AP3S1: variants seen among roughly 807,000 people sequenced by gnomAD.
AP3S1 encodes AP-3 complex subunit sigma-1.
A neutral mutation model predicts 21.3 loss-of-function variants in AP3S1; 12 were observed. The ratio of observed to expected loss-of-function variants is 0.56; its 90% CI spans 0.36 to 0.91. The LOEUF is 0.91. AP3S1 is among the 40% of genes least tolerant of loss of function. The probability of loss-of-function intolerance (pLI) is 0.01; values close to 1 mark genes in which losing one functional copy is unlikely to be tolerated. For missense variants in AP3S1, 116 were observed against 225.0 expected (o/e 0.52, Z 3.10); for synonymous variants, 48 against 78.4 (o/e 0.61, Z 2.05).
At chr5:115,867,418 TACAA>T (rs1337391402) in intron 2 of AP3S1, among the ~76,000 whole-genome samples, 3 of 152,188 alleles carry the variant, frequency 2.0e-5, no homozygotes, top group African/African-American at 7.2e-5. Flanking sequence ...TGCCAAATAT[TACAA>T]ACAAATACTT....
At chr5:115,852,432 T>C (rs1163349016) in intron 1 of AP3S1, among the ~76,000 whole-genome samples, 1 of 152,026 alleles carries the variant, frequency 6.6e-6, no homozygotes. Context: ...TCTGAGAAAT[T>C]AGCTAACCTT....
chr5:115,913,234 A>G, intron 5 of AP3S1, 128 bp from the exon 6 acceptor site: 1 of 911,688 alleles, frequency 1.1e-6, no homozygotes, highest in Non-Finnish European at 1.5e-6. Flanking sequence ...TACCAATTCA[A>G]ACTACCATCT....
At chr5:115,852,223 A>T (rs1762487552) in intron 1 of AP3S1, among the ~76,000 whole-genome samples, 1 of 152,188 alleles carries the variant, frequency 6.6e-6, no homozygotes, top group African/African-American at 2.4e-5. Flanking sequence ...TGTTTAAATT[A>T]TATGGGCCCT....
At chr5:115,913,227 CA>C in intron 5 of AP3S1, 134 bp from the exon 6 acceptor site, 2 of 792,024 alleles carry the variant, frequency 2.5e-6, no homozygotes, top group East Asian at 3.1e-5. Flanking sequence ...CATTCCATAC[CA>C]ATTCAAACTA....
intron 4 of AP3S1, among the ~76,000 whole-genome samples, chr5:115,896,505 G>T (rs575582061): frequency 6.6e-6 from 1 of 152,192 alleles, no homozygotes; most frequent in African/African-American, 2.4e-5. Context: ...AAGACCAGGT[G>T]CAGGTGCTCA....
intron 1 of AP3S1, among the ~76,000 whole-genome samples, chr5:115,858,613 T>C (rs536993831): frequency 6.6e-6 from 1 of 152,098 alleles, no homozygotes; most frequent in Non-Finnish European, 1.5e-5. Context: ...TCAGTTTTTC[T>C]GAATTTCTTT....
intron 3 of AP3S1, among the ~76,000 whole-genome samples, chr5:115,875,139 ATG>A (rs1293204138): frequency 6.6e-6 from 1 of 152,058 alleles, no homozygotes; most frequent in Non-Finnish European, 1.5e-5. Context: ...TGAAGTAAAT[ATG>A]TTTTTTTTTA....
intron 1 of AP3S1, chr5:115,842,552 C>G (rs1166393103): frequency 1.9e-5 from 3 of 160,234 alleles, no homozygotes; most frequent in Non-Finnish European, 2.7e-5. Context: ...TCTCGCCCCC[C>G]TCCGCCGACT....
chr5:115,842,315 G>C (rs1761647931), intron 1 of AP3S1, among the ~76,000 whole-genome samples: 1 of 152,178 alleles, frequency 6.6e-6, no homozygotes, highest in African/African-American at 2.4e-5. Context: ...ACGTGGCTTT[G>C]CCCGGGCGGT....
chr5:115,870,179 A>G, intron 3 of AP3S1, 51 bp downstream of exon 3: 1 of 1,186,540 alleles, frequency 8.4e-7, no homozygotes, highest in Non-Finnish European at 1.2e-6. Context: ...TGACATTTAA[A>G]TTTTTAAAAA....
At chr5:115,886,819 A>G (rs931116185) in intron 3 of AP3S1, among the ~76,000 whole-genome samples, 1 of 152,184 alleles carries the variant, frequency 6.6e-6, no homozygotes, top group Non-Finnish European at 1.5e-5. Flanking sequence ...TTATTATGAC[A>G]TGATATAGAA....
At chr5:115,869,876 A>G (rs1022513145) in intron 2 of AP3S1, 141 bp from the exon 3 acceptor site, 2 of 504,016 alleles carry the variant, frequency 4.0e-6, no homozygotes, top group African/African-American at 2.0e-5. Flanking sequence ...TAGTCTCTGA[A>G]TAAGTTCACT....
At chr5:115,847,809 G>T (rs181914679) in intron 1 of AP3S1, among the ~76,000 whole-genome samples, 8 of 152,140 alleles carry the variant, frequency 5.3e-5, no homozygotes, top group Non-Finnish European at 1.0e-4. Context: ...TGAAATTTTA[G>T]ATTGCTTCTG....
chr5:115,877,671 G>C (rs1328160605), intron 3 of AP3S1, among the ~76,000 whole-genome samples: 2 of 152,200 alleles, frequency 1.3e-5, no homozygotes, highest in African/African-American at 2.4e-5. Flanking sequence ...ATGTGTGCAT[G>C]TGTCTTTATA....
In AP3S1 at chr5:115,895,081, C is replaced by A; in HGVS notation, c.274-6C>A. The A allele has an allele frequency of 6.3e-7, 1 of 1,582,384 alleles. No homozygotes were observed. Among genetic ancestry groups the A allele is most frequent in the South Asian group, 1.2e-5 (1 of 85,712 alleles). ...AGTTCTTAAAACCTTTTTTCTTTTT[C>A]CATAGGTATTTGTGGAAACATTAGA... On this transcript the variant is annotated splice_polypyrimidine_tract_variant and splice_region_variant and intron_variant, in intron 3 of 5. Coordinates refer to ENST00000316788, the MANE Select transcript of AP3S1 (RefSeq NM_001284.4).
intron 4 of AP3S1, among the ~76,000 whole-genome samples, chr5:115,895,912 A>G (rs1750720968): frequency 6.6e-6 from 1 of 152,196 alleles, no homozygotes; most frequent in South Asian, 2.1e-4. Flanking sequence ...GCTGAAGGTG[A>G]GAGAAAGAAT....
At chr5:115,861,712 G>A (rs991855264) in intron 1 of AP3S1, among the ~76,000 whole-genome samples, 1 of 151,582 alleles carries the variant, frequency 6.6e-6, no homozygotes, top group Admixed American at 6.6e-5. Flanking sequence ...GCACTACCAT[G>A]CCTGGGTAAT....
chr5:115,873,718 G>C (rs1748471353), intron 3 of AP3S1, among the ~76,000 whole-genome samples: 1 of 152,130 alleles, frequency 6.6e-6, no homozygotes, highest in Admixed American at 6.6e-5. Flanking sequence ...TAGCTATTCA[G>C]AGAGAACTGA....
intron 3 of AP3S1, among the ~76,000 whole-genome samples, chr5:115,893,587 A>C (rs1209172351): frequency 6.6e-6 from 1 of 152,310 alleles, no homozygotes. Context: ...AACTGTAGTT[A>C]CATGTCCACT....
Sources: gnomAD v4.1 joint callset for allele counts (sites outside exome capture counted in the v4.1 genomes callset) on GRCh38, gnomAD v4.1.1 for gene constraint, MANE v1.5 for transcripts, NCBI Gene and HGNC (gene_info 2026-07-23, HGNC 2026-07-21) for gene names.